The following NFE2L2 variants were observed in gnomAD, a reference collection of about 807,000 sequenced individuals.
NFE2L2 encodes the protein NFE2 like bZIP transcription factor 2, also known as nuclear factor erythroid 2-related factor 2.
Under a neutral mutation model 49.6 loss-of-function variants are expected in NFE2L2, and 20 were observed. The ratio of observed to expected loss-of-function variants is 0.40; its 90% CI spans 0.28 to 0.59. The LOEUF is 0.59. Ranked by LOEUF, NFE2L2 falls within the 20% of genes least tolerant of loss-of-function variation. The pLI, the probability that NFE2L2 is intolerant of heterozygous loss-of-function variation, is 0.40. For missense variants in NFE2L2, 578 were observed against 714.2 expected, an observed-to-expected ratio of 0.81 and a Z score of 2.17; for synonymous variants, 244 against 256.5, an observed-to-expected ratio of 0.95 and a Z score of 0.47.
At chr2:177,251,779 G>A (rs1211258356) in intron 1 of NFE2L2, among the ~76,000 whole-genome samples, 1 of 151,900 alleles carries the variant, frequency 6.6e-6, no homozygotes, top group Non-Finnish European at 1.5e-5. Flanking sequence ...GCCGAGGTGG[G>A]CGGATCACGA....
At chr2:177,236,682 A>C (rs548306890) in intron 1 of NFE2L2, among the ~76,000 whole-genome samples, 1 of 152,342 alleles carries the variant, frequency 6.6e-6, no homozygotes, top group South Asian at 2.1e-4. Flanking sequence ...ACACTATTAT[A>C]AAATGGCATG....
At chr2:177,236,809 A>G (rs1422622461) in intron 1 of NFE2L2, among the ~76,000 whole-genome samples, 1 of 152,090 alleles carries the variant, frequency 6.6e-6, no homozygotes, top group East Asian at 1.9e-4. Context: ...ACTGTATTTT[A>G]TGTGTGTATT....
chr2:177,232,744 T>C (rs543866806), intron 3 of NFE2L2, 161 bp from the exon 4 acceptor site: 2 of 667,446 alleles, frequency 3.0e-6, no homozygotes, highest in Non-Finnish European at 4.9e-6. Context: ...CTTTTTTTCC[T>C]ACCCCACTGA....
intron 1 of NFE2L2, among the ~76,000 whole-genome samples, chr2:177,237,529 T>G (rs1689791667): frequency 6.9e-6 from 1 of 144,282 alleles, no homozygotes; most frequent in African/African-American, 2.9e-5. Context: ...TTTATTTTAT[T>G]TTTTTTTGAG....
In NFE2L2 at chr2:177,230,646, C is replaced by T. The variant is rs948379804; in HGVS notation, c.*139G>A. 7 of 953,574 alleles carry T rather than the reference C, an allele frequency of 7.3e-6. No homozygotes were observed. The highest frequency in any genetic ancestry group is 5.7e-5 in the East Asian group (2 of 34,916). 59.1% of individuals were successfully genotyped at this position (953,574 alleles called of 1,614,324 possible). On this transcript the variant is annotated 3_prime_UTR_variant, in exon 5 of 5. Coordinates refer to ENST00000397062, the MANE Select transcript of NFE2L2 (RefSeq NM_006164.5). The stretch of plus-strand genomic sequence containing the variant: ...GACACTCCAATGCTTTTTAAAGTTT[C>T]GTATTATTTTCTATACTAGTTTTGG...
intron 1 of NFE2L2, among the ~76,000 whole-genome samples, chr2:177,253,015 G>A (rs1472043161): frequency 6.6e-6 from 1 of 152,142 alleles, no homozygotes; most frequent in Non-Finnish European, 1.5e-5. Context: ...CAGTGCACAT[G>A]AGCACTGAAG....
intron 1 of NFE2L2, 183 bp downstream of exon 1, chr2:177,264,349 G>T: frequency 1.8e-6 from 1 of 548,476 alleles, no homozygotes; most frequent in Non-Finnish European, 3.0e-6. Flanking sequence ...ACCCGGCCGC[G>T]TCCCCGCTGC....
intron 4 of NFE2L2, 104 bp from the exon 5 acceptor site, chr2:177,232,112 C>G: frequency 8.9e-7 from 1 of 1,129,184 alleles, no homozygotes; most frequent in South Asian, 1.7e-5. Flanking sequence ...AGGCTTATCT[C>G]TATAATTTAT....
Position 177,232,589 on chromosome 2 carries a change from A to G in NFE2L2, c.403-6T>C. The G allele has an allele frequency of 6.2e-7, 1 of 1,613,408 alleles. No individual in the cohort carries two copies. The highest frequency in any genetic ancestry group is 8.5e-7 in the Non-Finnish European group (1 of 1,179,434). ...TGAAACGTAGCCGAAGAAACCTAAA[A>G]TTGATAAGGCATTGATTTATGAGTC... On this transcript the variant is annotated splice_polypyrimidine_tract_variant and splice_region_variant and intron_variant, in intron 3 of 4. Coordinates refer to ENST00000397062, the MANE Select transcript of NFE2L2 (RefSeq NM_006164.5).
intron 1 of NFE2L2, among the ~76,000 whole-genome samples, chr2:177,261,680 G>C (rs914439506): frequency 6.6e-6 from 1 of 152,140 alleles, no homozygotes; most frequent in African/African-American, 2.4e-5. Flanking sequence ...TATTTCCCGT[G>C]AGGTTACTGT....
rs566458777 is a variant in NFE2L2, at chr2:177,264,675, G to A, written c.-99C>T. 54 of 1,154,138 alleles carry A rather than the reference G, an allele frequency of 4.7e-5. No homozygotes were observed. The African/African-American group carries it at 7.1e-4, about 15-fold the overall frequency. 71.5% of individuals were successfully genotyped at this position (1,154,138 alleles called of 1,614,324 possible). On this transcript the variant is annotated 5_prime_UTR_variant, in exon 1 of 5. Transcript: ENST00000397062. Reference sequence around the variant, plus strand: ...GGGCGGCTCTGGTGGCGGCGGCGGCGGCGGTGGCGGCTGCGTCGGCGGCTC... The same window carrying A: ...GGGCGGCTCTGGTGGCGGCGGCGGCAGCGGTGGCGGCTGCGTCGGCGGCTC...
intron 1 of NFE2L2, among the ~76,000 whole-genome samples, chr2:177,261,147 G>A (rs1449140873): frequency 7.2e-6 from 1 of 138,038 alleles, no homozygotes; most frequent in Non-Finnish European, 1.5e-5. Context: ...TTCCAGCCTG[G>A]GCAACAGAAC....
At chr2:177,256,247 A>G (rs183754294) in intron 1 of NFE2L2, among the ~76,000 whole-genome samples, 5 of 152,290 alleles carry the variant, frequency 3.3e-5, no homozygotes, top group Admixed American at 1.3e-4. Flanking sequence ...ACAAAGAACT[A>G]TAGTCATTCT....
chr2:177,262,965 G>C (rs1259230985), intron 1 of NFE2L2, among the ~76,000 whole-genome samples: 1 of 152,164 alleles, frequency 6.6e-6, no homozygotes, highest in South Asian at 2.1e-4. Flanking sequence ...GGGGAAAAAA[G>C]CACAATTAAT....
chr2:177,235,308 A>G (rs1689709301), intron 1 of NFE2L2, among the ~76,000 whole-genome samples: 1 of 149,558 alleles, frequency 6.7e-6, no homozygotes, highest in Non-Finnish European at 1.5e-5. Flanking sequence ...GTGGTGGCGC[A>G]CACCTGTGGT....
At chr2:177,237,496 T>C (rs1386640936) in intron 1 of NFE2L2, among the ~76,000 whole-genome samples, 3 of 152,176 alleles carry the variant, frequency 2.0e-5, no homozygotes, top group Admixed American at 1.3e-4. Context: ...AGACAGAAAA[T>C]TCAAAGGTAT....
At chr2:177,244,524 G>A (rs533563386) in intron 1 of NFE2L2, among the ~76,000 whole-genome samples, 58 of 152,134 alleles carry the variant, frequency 3.8e-4, no homozygotes, top group Non-Finnish European at 6.9e-4. Flanking sequence ...AGGCAGCATG[G>A]AGGAGGTGCC....
chr2:177,232,753 G>T, intron 3 of NFE2L2, 170 bp from the exon 4 acceptor site: 1 of 624,860 alleles, frequency 1.6e-6, no homozygotes, highest in Non-Finnish European at 2.7e-6. Flanking sequence ...CTACCCCACT[G>T]ACTCAAATTT....
chr2:177,231,495 G>A lies in NFE2L2; in HGVS notation c.1108C>T (p.Leu370=). 6.2e-7 allele frequency: 1 copy of A among 1,614,246 alleles called. No individual in the cohort carries two copies. The highest frequency in any genetic ancestry group is 8.5e-7 in the Non-Finnish European group (1 of 1,180,036). The change falls in exon 5 of 5, where the codon CTA becomes TTA. Residue 370 remains leucine (L), a synonymous_variant. Coordinates refer to ENST00000397062, the MANE Select transcript of NFE2L2 (RefSeq NM_006164.5). ...ACTTCAGAATCACTGAGGCCAAGTAGTGTGTCTCCATAGCTGGAAGATTCC... is the reference window on the plus strand; with the variant it reads ...ACTTCAGAATCACTGAGGCCAAGTAATGTGTCTCCATAGCTGGAAGATTCC... ...SVESSSYGDT[L]LGLSDSEVEE... is the part of the protein sequence containing the mutation.
Sources: allele counts gnomAD v4.1 joint callset (sites outside exome capture counted in the v4.1 genomes callset), GRCh38; gene constraint gnomAD v4.1.1; transcripts MANE v1.5; gene names NCBI Gene and HGNC (gene_info 2026-07-23, HGNC 2026-07-21).